The following PRKG2 variants were observed in gnomAD, a reference collection of about 807,000 sequenced individuals.
PRKG2 encodes cGMP-dependent protein kinase 2.
Under a neutral mutation model 97.2 loss-of-function variants are expected in PRKG2, and 33 were observed. The ratio of observed to expected loss-of-function variants is 0.34; its 90% CI spans 0.26 to 0.45. The LOEUF is 0.45. Among genes scored for constraint, PRKG2 ranks in the 20% least tolerant of loss-of-function variants. The probability of loss-of-function intolerance (pLI) is 1.00; values close to 1 mark genes in which losing one functional copy is unlikely to be tolerated. For missense variants in PRKG2, 638 were observed against 900.0 expected, an observed-to-expected ratio of 0.71 and a Z score of 3.73; for synonymous variants, 330 against 321.8, an observed-to-expected ratio of 1.03 and a Z score of -0.27.
chr4:81,135,355 A>G, intron 13 of PRKG2, 59 bp from the exon 14 acceptor site: 1 of 1,519,930 alleles, frequency 6.6e-7, no homozygotes, highest in African/African-American at 1.4e-5. Flanking sequence ...GTGCTGTTCT[A>G]CGTGTCAAAT....
chr4:81,170,141 CACAA>C (rs1750335353), intron 4 of PRKG2, among the ~76,000 whole-genome samples: 1 of 151,996 alleles, frequency 6.6e-6, no homozygotes, highest in African/African-American at 2.4e-5. Flanking sequence ...AGAGTGAAGT[CACAA>C]ACAGATAATT....
rs78812603 is a variant in PRKG2, at chr4:81,194,875, C to A, written c.461+9712G>T. Among the ~76,000 whole-genome samples, 1,151 of 152,240 alleles carry A rather than the reference C, an allele frequency of 7.6e-3. 13 individuals are homozygous for A. Among genetic ancestry groups the A allele is most frequent in the African/African-American group, 0.026 (1,080 of 41,506 alleles). On this transcript the variant is annotated intron_variant, in intron 2 of 18. Coordinates refer to ENST00000264399, the MANE Select transcript of PRKG2 (RefSeq NM_006259.3). ...AAACCTGCTCCTATAACACAATGCT[C>A]CTCAATGGTGGCTTCATATGAGAAT...
intron 14 of PRKG2, among the ~76,000 whole-genome samples, chr4:81,132,313 A>C (rs1361392245): frequency 6.6e-6 from 1 of 152,138 alleles, no homozygotes; most frequent in Non-Finnish European, 1.5e-5. Context: ...AGACTTTTCT[A>C]AATAAAAATT....
At chr4:81,199,215 A>G (rs3114142) in intron 2 of PRKG2, among the ~76,000 whole-genome samples, 150,708 of 152,252 alleles carry the variant, frequency 0.99, 74,599 homozygotes, top group Middle Eastern at 1. Context: ...GAAAAAAGGG[A>G]TGTTTCCTCC....
At chr4:81,188,184 C>A (rs1224007408) in intron 2 of PRKG2, among the ~76,000 whole-genome samples, 6 of 151,672 alleles carry the variant, frequency 4.0e-5, no homozygotes, top group Admixed American at 3.9e-4. Flanking sequence ...AAGAAAAAAA[C>A]AAACAACCCC....
At chr4:81,098,298 T>C (rs1382983887) in intron 17 of PRKG2, among the ~76,000 whole-genome samples, 7 of 145,100 alleles carry the variant, frequency 4.8e-5, no homozygotes, top group Admixed American at 4.1e-4. Flanking sequence ...CTGCAGCCTA[T>C]TGTGGGACCT....
intron 6 of PRKG2, among the ~76,000 whole-genome samples, chr4:81,156,855 G>C (rs1749144138): frequency 6.6e-6 from 1 of 152,150 alleles, no homozygotes; most frequent in Non-Finnish European, 1.5e-5. Flanking sequence ...AATGAAGGCA[G>C]AAATAAAGAT....
At chr4:81,170,533 A>G (rs1750370384) in intron 4 of PRKG2, among the ~76,000 whole-genome samples, 1 of 152,082 alleles carries the variant, frequency 6.6e-6, no homozygotes, top group Admixed American at 6.6e-5. Flanking sequence ...TTAGAAATAC[A>G]AGATCCCTGG....
At chr4:81,176,180 G>T (rs1750908045) in intron 2 of PRKG2, 1 of 152,086 alleles carries the variant, frequency 6.6e-6, no homozygotes, top group African/African-American at 2.4e-5. Flanking sequence ...TTATTTGAGT[G>T]CCTTGAGAAG....
chr4:81,157,680 A>C (rs2110067730), intron 6 of PRKG2, among the ~76,000 whole-genome samples: 1 of 152,254 alleles, frequency 6.6e-6, no homozygotes, highest in South Asian at 2.1e-4. Context: ...AAAAATCCTC[A>C]ATAAAATACT....
At chr4:81,216,349 T>C (rs1339128037), upstream of PRKG2, among the ~76,000 whole-genome samples, 4 of 141,764 alleles carry the variant, frequency 2.8e-5, no homozygotes, top group Non-Finnish European at 4.5e-5. Context: ...CCAGAGTCTG[T>C]ACATTTTATA....
rs372955566 is a variant in PRKG2, at chr4:81,197,272, A to G, written c.461+7315T>C. 3.2e-4 allele frequency among the ~76,000 whole-genome samples: 49 copies of G among 152,194 alleles called. 1 individual carries two copies. In the South Asian group the frequency reaches 0.01, roughly 32 times the overall value. ...TGTCCAGAATGTTTTTGAGAAAAGA[A>G]AAAAAAAGGGTCAAAAGGAGCCACC... is the stretch of plus-strand genomic sequence containing the variant. On this transcript the variant is annotated intron_variant, in intron 2 of 18. Coordinates refer to ENST00000264399, the MANE Select transcript of PRKG2 (RefSeq NM_006259.3).
At chr4:81,178,690 A>G (rs1191408051) in intron 2 of PRKG2, among the ~76,000 whole-genome samples, 1 of 151,840 alleles carries the variant, frequency 6.6e-6, no homozygotes, top group Non-Finnish European at 1.5e-5. Flanking sequence ...GATGCAAAAC[A>G]AAGCAAAACA....
intron 1 of PRKG2, among the ~76,000 whole-genome samples, chr4:81,210,405 C>T (rs1294792701): frequency 1.3e-5 from 2 of 152,042 alleles, no homozygotes; most frequent in Non-Finnish European, 2.9e-5. Context: ...TGAGCAGACA[C>T]CTCACCAAAC....
intron 2 of PRKG2, among the ~76,000 whole-genome samples, chr4:81,189,429 C>T (rs1460909449): frequency 7.4e-6 from 1 of 135,964 alleles, no homozygotes; most frequent in Non-Finnish European, 1.5e-5. Context: ...TACTATGCAG[C>T]CATAAAAAAT....
At chr4:81,126,618 T>G (rs1446254945) in intron 14 of PRKG2, among the ~76,000 whole-genome samples, 1 of 152,236 alleles carries the variant, frequency 6.6e-6, no homozygotes, top group African/African-American at 2.4e-5. Flanking sequence ...TGCATTTCCC[T>G]AATGACCAGT....
At chr4:81,108,060 C>T (rs1743529075) in intron 15 of PRKG2, among the ~76,000 whole-genome samples, 1 of 151,942 alleles carries the variant, frequency 6.6e-6, no homozygotes, top group Non-Finnish European at 1.5e-5. Flanking sequence ...CAAAAATCAG[C>T]TGGGCATAGT....
rs547538304 is a variant in PRKG2, at chr4:81,113,985, C to G, written c.1777-3374G>C. 1.5e-4 allele frequency among the ~76,000 whole-genome samples: 23 copies of G among 152,216 alleles called. No individual in the cohort carries two copies. The East Asian group carries it at 3.1e-3, about 20-fold the overall frequency. On this transcript the variant is annotated intron_variant, in intron 14 of 18. Transcript: ENST00000264399. ...GAGTCTTTCCAAGTAATGACCCACT[C>G]TTTATGTTTGGTGTACAGATTCAGC... is the stretch of plus-strand genomic sequence containing the variant.
intron 6 of PRKG2, among the ~76,000 whole-genome samples, chr4:81,161,474 A>G (rs1749587922): frequency 6.6e-6 from 1 of 152,172 alleles, no homozygotes; most frequent in African/African-American, 2.4e-5. Flanking sequence ...GTGTTGCTCA[A>G]TTAGGTTTCT....
Sources: allele counts gnomAD v4.1 joint callset (sites outside exome capture counted in the v4.1 genomes callset), GRCh38; gene constraint gnomAD v4.1.1; transcripts MANE v1.5; gene names NCBI Gene and HGNC (gene_info 2026-07-23, HGNC 2026-07-21).